Variants in TMEM50B observed in about 807,000 individuals in gnomAD.
TMEM50B encodes the protein transmembrane protein 50B, also known as HCV p7-trans-regulated protein 3.
Under a neutral mutation model 23.4 loss-of-function variants are expected in TMEM50B, and 14 were observed. That is an observed-to-expected ratio of 0.60 (90% CI 0.39 to 0.93). TMEM50B has a LOEUF of 0.93. TMEM50B is among the 40% of genes least tolerant of loss of function. The pLI is 0.00. For missense variants in TMEM50B, 159 were observed against 193.0 expected (o/e 0.82, Z 1.04); for synonymous variants, 64 against 62.3 (o/e 1.03, Z -0.13).
chr21:33,476,801 T>C (rs1347621700), intron 1 of TMEM50B, among the ~76,000 whole-genome samples: 1 of 150,610 alleles, frequency 6.6e-6, no homozygotes, highest in East Asian at 1.9e-4. Context: ...TTAAAAAGAT[T>C]CCTTGTGAAA....
chr21:33,440,222 AAAG>A (rs2083995845), intron 7 of TMEM50B, among the ~76,000 whole-genome samples: 1 of 152,232 alleles, frequency 6.6e-6, no homozygotes. Context: ...GTTAAAGTCA[AAAG>A]AAGAATATTT....
chr21:33,436,466 T>C (rs186592976), intron 8 of TMEM50B, among the ~76,000 whole-genome samples: 1 of 152,000 alleles, frequency 6.6e-6, no homozygotes, highest in East Asian at 1.9e-4. Flanking sequence ...CTCACGCCTA[T>C]AATCCCAGCA....
At chr21:33,437,830 A>G (rs17885166) in intron 8 of TMEM50B, among the ~76,000 whole-genome samples, 5,081 of 151,952 alleles carry the variant, frequency 0.033, 278 homozygotes, top group African/African-American at 0.11. Context: ...TGAAAAATGC[A>G]AAAATTATCC....
chr21:33,447,681 T>TACACACACAC (rs764155101), downstream of TMEM50B, among the ~76,000 whole-genome samples: 2,731 of 131,914 alleles, frequency 0.021, 33 homozygotes, highest in East Asian at 0.038. Flanking sequence ...TGTATAGAAA[T>TACACACACAC]ACACACACAC....
At chr21:33,451,018 T>C (rs2084115327) in intron 6 of TMEM50B, among the ~76,000 whole-genome samples, 155 bp from the exon 7 acceptor site, 2 of 152,258 alleles carry the variant, frequency 1.3e-5, no homozygotes, top group African/African-American at 4.8e-5. Context: ...TTAATTTGCT[T>C]ATTTTGTAAA....
intron 1 of TMEM50B, chr21:33,478,940 G>C (rs2084399924): frequency 2.4e-6 from 1 of 413,956 alleles, no homozygotes; most frequent in East Asian, 7.5e-5. Flanking sequence ...AGAAAATCGG[G>C]TCTTACAGCG....
chr21:33,464,854 C>G (rs927303204), intron 4 of TMEM50B, among the ~76,000 whole-genome samples: 1 of 136,672 alleles, frequency 7.3e-6, no homozygotes, highest in African/African-American at 2.5e-5. Flanking sequence ...CAAATGAATT[C>G]AAACTATAAA....
intron 1 of TMEM50B, among the ~76,000 whole-genome samples, chr21:33,477,751 C>T (rs925520607): frequency 2.0e-4 from 31 of 151,788 alleles, no homozygotes; most frequent in Admixed American, 1.8e-3. Context: ...GCGGAGGTTG[C>T]AGTGAGCCAC....
intron 4 of TMEM50B, among the ~76,000 whole-genome samples, chr21:33,463,455 C>T (rs1335289683): frequency 1.3e-5 from 2 of 152,062 alleles, no homozygotes; most frequent in East Asian, 3.9e-4. Flanking sequence ...GAAAGTAGAT[C>T]AGTAGTGGCC....
At chr21:33,470,580 A>G (rs2084305556) in intron 1 of TMEM50B, among the ~76,000 whole-genome samples, 2 of 151,474 alleles carry the variant, frequency 1.3e-5, no homozygotes, top group Non-Finnish European at 2.9e-5. Context: ...AAATACAAAA[A>G]AAAAAAATTA....
At chr21:33,457,651 C>CA (rs11334898) in intron 5 of TMEM50B, among the ~76,000 whole-genome samples, 23 of 123,564 alleles carry the variant, frequency 1.9e-4, no homozygotes, top group African/African-American at 5.5e-4. Flanking sequence ...AACTCCAACT[C>CA]AAAAAAAAAA....
At chr21:33,476,046 C>A (rs11910536) in intron 1 of TMEM50B, among the ~76,000 whole-genome samples, 1,531 of 152,286 alleles carry the variant, frequency 0.01, 33 homozygotes, top group African/African-American at 0.035. Context: ...AGTAATAAAT[C>A]CTCTATTATT....
At chr21:33,436,174 T>C (rs2083948364) in intron 8 of TMEM50B, among the ~76,000 whole-genome samples, 1 of 162 alleles carries the variant, frequency 6.2e-3, no homozygotes, top group South Asian at 0.25. Flanking sequence ...CTGACCAACA[T>C]GGGAAACCCC....
chr21:33,455,617 T>C, intron 6 of TMEM50B, 110 bp downstream of exon 6: 1 of 944,122 alleles, frequency 1.1e-6, no homozygotes, highest in Non-Finnish European at 1.7e-6. Context: ...AGAAGTTCTA[T>C]CATTGTAACC....
intron 8 of TMEM50B, chr21:33,432,888 CTCTTTT>C: frequency 7.5e-7 from 1 of 1,341,416 alleles, no homozygotes; most frequent in Non-Finnish European, 1.0e-6. Flanking sequence ...GTGCACACAT[CTCTTTT>C]TTTTTTTTTG....
intron 1 of TMEM50B, among the ~76,000 whole-genome samples, chr21:33,479,634 C>A (rs2084409086): frequency 6.6e-6 from 1 of 152,158 alleles, no homozygotes; most frequent in Non-Finnish European, 1.5e-5. Context: ...GGGACGCGGG[C>A]AGGGGCAAGA....
chr21:33,435,859 G>A (rs1440659307), intron 8 of TMEM50B, among the ~76,000 whole-genome samples: 4 of 128,492 alleles, frequency 3.1e-5, no homozygotes, highest in Non-Finnish European at 4.7e-5. Context: ...ACTCCAGCCT[G>A]GCAACAGAGC....
intron 7 of TMEM50B, among the ~76,000 whole-genome samples, chr21:33,441,186 C>T (rs1226587955): frequency 6.6e-6 from 1 of 151,876 alleles, no homozygotes; most frequent in Non-Finnish European, 1.5e-5. Context: ...GCCCAGATGA[C>T]ACCACTGCAC....
intron 1 of TMEM50B, chr21:33,478,854 G>A: frequency 4.2e-6 from 2 of 471,026 alleles, no homozygotes; most frequent in East Asian, 6.9e-5. Flanking sequence ...AGAGTTCAGA[G>A]CCTCTGAAGT....
Sources: allele counts gnomAD v4.1 joint callset (sites outside exome capture counted in the v4.1 genomes callset), GRCh38; gene constraint gnomAD v4.1.1; transcripts MANE v1.5; gene names NCBI Gene and HGNC (gene_info 2026-07-23, HGNC 2026-07-21).